GPR176: variants seen among roughly 807,000 people sequenced by gnomAD.
The protein encoded by GPR176 is G protein-coupled receptor 176, also known as G-protein coupled receptor 176.
Under a neutral mutation model 35.4 loss-of-function variants are expected in GPR176, and 26 were observed. The observed-to-expected ratio is 0.74, with a 90% CI of 0.54 to 1.02. GPR176 has a LOEUF of 1.02. Ranked by LOEUF, GPR176 falls within the 50% of genes least tolerant of loss-of-function variation. The pLI is 0.00. For synonymous variants in GPR176, 278 were observed against 271.3 expected (o/e 1.02, Z -0.24); for missense variants, 597 against 665.3 (o/e 0.90, Z 1.13).
intron 1 of GPR176, among the ~76,000 whole-genome samples, chr15:39,902,300 T>C (rs2033303186): frequency 6.6e-6 from 1 of 152,126 alleles, no homozygotes; most frequent in South Asian, 2.1e-4. Flanking sequence ...AATTTACCCT[T>C]CCCAAGCACC....
intron 1 of GPR176, among the ~76,000 whole-genome samples, chr15:39,843,315 G>T: frequency 6.6e-6 from 1 of 152,018 alleles, no homozygotes; most frequent in East Asian, 1.9e-4. Context: ...GTACAAAATG[G>T]CCTCAATCAT....
Position 39,804,259 on chromosome 15 carries a change from C to T in GPR176, c.426-2005G>A, listed in dbSNP as rs114278291. ...GATGCAAGAAGTGTAGATGACCTCC[C>T]GATGAACTTGCTGACTTAGTACCAT... On this transcript the variant is annotated intron_variant, in intron 2 of 2. Transcript: ENST00000561100. Among the ~76,000 whole-genome samples the T allele has an allele frequency of 6.0e-3, 917 of 151,962 alleles. 10 individuals carry two copies. Among genetic ancestry groups the T allele is most frequent in the African/African-American group, 0.021 (871 of 41,434 alleles).
At chr15:39,858,690 G>A (rs2031403817) in intron 1 of GPR176, among the ~76,000 whole-genome samples, 1 of 152,132 alleles carries the variant, frequency 6.6e-6, no homozygotes, top group South Asian at 2.1e-4. Flanking sequence ...TCCAGCTCAG[G>A]TGACAGAGTG....
chr15:39,914,309 C>CTTTTTTT (rs5812146), intron 1 of GPR176, among the ~76,000 whole-genome samples: 4 of 71,156 alleles, frequency 5.6e-5, no homozygotes, highest in Non-Finnish European at 8.0e-5. Context: ...ATATCTTATT[C>CTTTTTTT]TTTTTTTTTT....
chr15:39,815,990 T>C (rs1289752604), intron 1 of GPR176, among the ~76,000 whole-genome samples: 1 of 152,174 alleles, frequency 6.6e-6, no homozygotes, highest in East Asian at 1.9e-4. Context: ...ATCCTGTCAT[T>C]TGCAATAACA....
chr15:39,827,398 G>A (rs1266618315), intron 1 of GPR176, among the ~76,000 whole-genome samples: 2 of 152,160 alleles, frequency 1.3e-5, no homozygotes, highest in Non-Finnish European at 2.9e-5. Context: ...AAAAAAGGAG[G>A]GGCGGCATGA....
intron 1 of GPR176, among the ~76,000 whole-genome samples, chr15:39,889,606 A>C (rs1307267893): frequency 7.3e-6 from 1 of 136,856 alleles, no homozygotes; most frequent in African/African-American, 2.6e-5. Flanking sequence ...AATAAAATAA[A>C]ATAAAACAAA....
rs59348897 is a variant in GPR176, at chr15:39,841,656, G to A, written c.173-34398C>T. ...TTCCCCCACAGGTTTCAGGGACAGC[G>A]TGGTCCTGCCAACATTGATTTCAGA... On this transcript the variant is annotated intron_variant, in intron 1 of 2. Transcript: ENST00000561100. 3.0e-4 allele frequency among the ~76,000 whole-genome samples: 45 copies of A among 152,240 alleles called. No homozygotes were observed. The East Asian group carries it at 8.3e-3, about 28-fold the overall frequency.
intron 1 of GPR176, among the ~76,000 whole-genome samples, chr15:39,911,747 G>C (rs972287149): frequency 6.6e-6 from 1 of 152,118 alleles, no homozygotes; most frequent in South Asian, 2.1e-4. Flanking sequence ...GTATGTTAAG[G>C]GAGGTTTTAT....
chr15:39,822,297 G>A (rs1900327149), intron 1 of GPR176, among the ~76,000 whole-genome samples: 1 of 152,184 alleles, frequency 6.6e-6, no homozygotes, highest in Non-Finnish European at 1.5e-5. Context: ...GCTATGTGTT[G>A]AGGTCTACTA....
intron 1 of GPR176, among the ~76,000 whole-genome samples, chr15:39,873,324 T>C (rs927164833): frequency 3.3e-5 from 5 of 152,158 alleles, no homozygotes; most frequent in Non-Finnish European, 7.4e-5. Flanking sequence ...TACTACACTG[T>C]TTCTCAGGTA....
chr15:39,913,856 C>T (rs1164311460), intron 1 of GPR176, among the ~76,000 whole-genome samples: 2 of 152,150 alleles, frequency 1.3e-5, no homozygotes, highest in Non-Finnish European at 1.5e-5. Flanking sequence ...ACCATCCTGG[C>T]TAACACGGTG....
chr15:39,903,597 G>A (rs2033340546), intron 1 of GPR176, among the ~76,000 whole-genome samples: 1 of 150,174 alleles, frequency 6.7e-6, no homozygotes, highest in Admixed American at 6.6e-5. Context: ...TTTTTTTTAA[G>A]TGTGGCATCT....
intron 1 of GPR176, among the ~76,000 whole-genome samples, chr15:39,820,084 G>A (rs1435317514): frequency 6.6e-6 from 1 of 152,196 alleles, no homozygotes; most frequent in Admixed American, 6.5e-5. Flanking sequence ...CACTACTGAG[G>A]AGGTTAAATT....
intron 1 of GPR176, among the ~76,000 whole-genome samples, chr15:39,917,139 C>T (rs1285708242): frequency 6.6e-6 from 1 of 151,822 alleles, no homozygotes; most frequent in East Asian, 2.0e-4. Flanking sequence ...AAAACTTAGC[C>T]AGGCGTGGTG....
At chr15:39,894,373 T>G (rs1184284006) in intron 1 of GPR176, 1 of 142,842 alleles carries the variant, frequency 7.0e-6, no homozygotes, top group African/African-American at 2.7e-5. Context: ...CCCCCCCACC[T>G]CCCTCCCGGA....
intron 1 of GPR176, among the ~76,000 whole-genome samples, chr15:39,872,809 G>T (rs941127916): frequency 2.0e-5 from 3 of 151,998 alleles, no homozygotes; most frequent in African/African-American, 7.3e-5. Flanking sequence ...ACCCACGAGG[G>T]ATCTGCTCCC....
intron 1 of GPR176, among the ~76,000 whole-genome samples, chr15:39,859,426 A>G (rs1260124778): frequency 1.3e-5 from 2 of 152,050 alleles, no homozygotes; most frequent in African/African-American, 4.8e-5. Flanking sequence ...ACCACTAATC[A>G]TCAGAGAATT....
At chr15:39,847,197 A>G (rs999137722) in intron 1 of GPR176, among the ~76,000 whole-genome samples, 4 of 151,932 alleles carry the variant, frequency 2.6e-5, no homozygotes, top group Non-Finnish European at 4.4e-5. Context: ...ACCCACAGGA[A>G]ATCAGGAAAA....
Sources: gnomAD v4.1 joint callset for allele counts (sites outside exome capture counted in the v4.1 genomes callset) on GRCh38, gnomAD v4.1.1 for gene constraint, MANE v1.5 for transcripts, NCBI Gene and HGNC (gene_info 2026-07-23, HGNC 2026-07-21) for gene names.